LDLRAD4: variants seen among roughly 807,000 people sequenced by gnomAD.
The protein encoded by LDLRAD4 is low density lipoprotein receptor class A domain containing 4.
LDLRAD4 carries 5 observed loss-of-function variants against 17.0 expected under a neutral mutation model. That is an observed-to-expected ratio of 0.29 (90% CI 0.15 to 0.62). The LOEUF (loss-of-function observed/expected upper bound fraction) is 0.62. Among genes scored for constraint, LDLRAD4 ranks in the 20% least tolerant of loss-of-function variants. LDLRAD4 has a pLI of 0.84. For synonymous variants in LDLRAD4, 168 were observed against 171.8 expected (o/e 0.98, Z 0.17); for missense variants, 340 against 424.7 (o/e 0.80, Z 1.75).
upstream of LDLRAD4, among the ~76,000 whole-genome samples, chr18:13,277,777 CTATCTGT>C (rs1400934274): frequency 1.3e-5 from 2 of 152,208 alleles, no homozygotes; most frequent in African/African-American, 4.8e-5. Context: ...AACAGGGATA[CTATCTGT>C]TATTTGGCCT....
intron 2 of LDLRAD4, among the ~76,000 whole-genome samples, chr18:13,428,335 C>G (rs2090095675): frequency 6.6e-6 from 1 of 152,064 alleles, no homozygotes; most frequent in African/African-American, 2.4e-5. Context: ...CAGGAAAGCT[C>G]TGGGCAGAGG....
intron 1 of LDLRAD4, among the ~76,000 whole-genome samples, chr18:13,315,347 A>G (rs2080872901): frequency 6.6e-6 from 1 of 152,220 alleles, no homozygotes; most frequent in African/African-American, 2.4e-5. Context: ...TAAGGTCCAA[A>G]TGATTAAAAG....
chr18:13,572,644 C>T (rs1004465386), intron 3 of LDLRAD4, among the ~76,000 whole-genome samples: 1 of 152,206 alleles, frequency 6.6e-6, no homozygotes, highest in African/African-American at 2.4e-5. Flanking sequence ...AGTTGTCTTA[C>T]AATTCCCATC....
intron 3 of LDLRAD4, among the ~76,000 whole-genome samples, chr18:13,598,854 C>T (rs1315780141): frequency 6.6e-6 from 1 of 152,220 alleles, no homozygotes; most frequent in Admixed American, 6.5e-5. Context: ...CCCTCCTCAA[C>T]TTTATGGGCA....
At chr18:13,438,463 G>A in intron 3 of LDLRAD4, 79 bp downstream of exon 4, 3 of 1,139,998 alleles carry the variant, frequency 2.6e-6, no homozygotes, top group Non-Finnish European at 3.9e-6. Context: ...CTGGGACATG[G>A]GAAGGAGGTT....
At chr18:13,611,626 C>G (rs2039567013) in intron 3 of LDLRAD4, 1 of 985,246 alleles carries the variant, frequency 1.0e-6, no homozygotes. Flanking sequence ...GCCTGGGATT[C>G]TGTTCTCTAA....
chr18:13,459,688 C>A (rs1020102928), intron 3 of LDLRAD4, among the ~76,000 whole-genome samples: 4 of 152,022 alleles, frequency 2.6e-5, no homozygotes, highest in Admixed American at 6.5e-5. Context: ...CGGTCAAATT[C>A]GGTGTTTTAA....
chr18:13,641,469 T>A (rs1307061167), intron 4 of LDLRAD4, among the ~76,000 whole-genome samples: 1 of 152,228 alleles, frequency 6.6e-6, no homozygotes, highest in Non-Finnish European at 1.5e-5. Context: ...GATAGATGGA[T>A]CCATCGATTG....
chr18:13,253,258 A>G (rs2043321673), intron 1 of LDLRAD4, among the ~76,000 whole-genome samples: 1 of 151,982 alleles, frequency 6.6e-6, no homozygotes, highest in Admixed American at 6.6e-5. Flanking sequence ...GTGAGGCTGG[A>G]GACCAGGACC....
chr18:13,646,121 T>C (rs2043007189), exon 6 of LDLRAD4: 1 of 153,398 alleles, frequency 6.5e-6, no homozygotes, highest in South Asian at 2.1e-4. Flanking sequence ...TGTGGAACTT[T>C]TATTTTGTTT....
intron 3 of LDLRAD4, among the ~76,000 whole-genome samples, chr18:13,474,447 G>A (rs953582403): frequency 6.6e-6 from 1 of 152,232 alleles, no homozygotes; most frequent in Non-Finnish European, 1.5e-5. Flanking sequence ...ATTGGGAAGC[G>A]GCTTCCAGCC....
intron 1 of LDLRAD4, among the ~76,000 whole-genome samples, chr18:13,381,903 AG>A (rs1354720749): frequency 2.6e-5 from 4 of 152,070 alleles, no homozygotes; most frequent in Non-Finnish European, 5.9e-5. Flanking sequence ...TTTGCAGCAG[AG>A]CCCCAGTTTG....
At chr18:13,615,939 G>GT (rs72528964) in intron 3 of LDLRAD4, 126,258 of 152,208 alleles carry the variant, frequency 0.83, 53,125 homozygotes, top group East Asian at 0.99. Flanking sequence ...CGTGTTAGGC[G>GT]TGTAGCATCT....
At chr18:13,345,567 G>T (rs1240865622) in intron 1 of LDLRAD4, among the ~76,000 whole-genome samples, 1 of 152,180 alleles carries the variant, frequency 6.6e-6, no homozygotes, top group Non-Finnish European at 1.5e-5. Flanking sequence ...TCTGTGCCAG[G>T]CTTTGGTATC....
chr18:13,283,476 A>G (rs1010754100), intron 1 of LDLRAD4, among the ~76,000 whole-genome samples: 1 of 152,186 alleles, frequency 6.6e-6, no homozygotes, highest in African/African-American at 2.4e-5. Flanking sequence ...CAGGGGCAAA[A>G]TGTTGCCAGT....
At chr18:13,409,215 T>C (rs1342868800) in intron 2 of LDLRAD4, among the ~76,000 whole-genome samples, 4 of 152,182 alleles carry the variant, frequency 2.6e-5, no homozygotes, top group African/African-American at 7.2e-5. Flanking sequence ...AGTTTCATAA[T>C]ACAGATGAGA....
At chr18:13,473,460 A>G (rs2092832055) in intron 3 of LDLRAD4, among the ~76,000 whole-genome samples, 1 of 151,838 alleles carries the variant, frequency 6.6e-6, no homozygotes. Flanking sequence ...GCTTAAGGCC[A>G]GGAGTTTGAG....
intron 3 of LDLRAD4, among the ~76,000 whole-genome samples, chr18:13,605,826 C>T (rs2095217561): frequency 6.6e-6 from 1 of 152,182 alleles, no homozygotes; most frequent in African/African-American, 2.4e-5. Flanking sequence ...CACGATTTCT[C>T]CAAGCCCCCG....
At chr18:13,260,471 TC>T (rs1168426343) in intron 1 of LDLRAD4, among the ~76,000 whole-genome samples, 1 of 152,218 alleles carries the variant, frequency 6.6e-6, no homozygotes, top group Non-Finnish European at 1.5e-5. Flanking sequence ...CTTTCTCTAA[TC>T]CGTTTTGACA....
Sources: allele counts gnomAD v4.1 joint callset (sites outside exome capture counted in the v4.1 genomes callset), GRCh38; gene constraint gnomAD v4.1.1; transcripts MANE v1.5; gene names NCBI Gene and HGNC (gene_info 2026-07-23, HGNC 2026-07-21).